NLRP1: variants seen among roughly 807,000 people sequenced by gnomAD.
NLRP1 encodes NACHT, LRR and PYD domains-containing protein 1.
In NLRP1, 94 loss-of-function variants were observed where a neutral mutation model predicts 136.7. The observed-to-expected ratio is 0.69, with a 90% CI of 0.58 to 0.82. The LOEUF (loss-of-function observed/expected upper bound fraction) is 0.82. NLRP1 is among the 40% of genes least tolerant of loss of function. NLRP1 has a pLI of 0.00. For synonymous variants in NLRP1, 690 were observed against 725.1 expected, an observed-to-expected ratio of 0.95 and a Z score of 0.78; for missense variants, 1,575 against 1,802.7, an observed-to-expected ratio of 0.87 and a Z score of 2.29.
At position 5,517,853 on chromosome 17, in the gene NLRP1, T is replaced by C; in HGVS notation, c.3950A>G (p.Asp1317Gly). 4 of 1,614,162 alleles carry C rather than the reference T, an allele frequency of 2.5e-6. No homozygotes were observed. In the South Asian group the frequency reaches 3.3e-5, roughly 13 times the overall value. ...AACGTAGAACTCCGAGAACAGCTGGTCTTCTCCAGGGCTTCGATAGCAGAG... is the reference window on the plus strand; with the variant it reads ...AACGTAGAACTCCGAGAACAGCTGGCCTTCTCCAGGGCTTCGATAGCAGAG... The part of the protein sequence containing the change: ...LELCYRSPGE[D>G]QLFSEFYVGH... Residue 1317 changes from aspartate to glycine, a missense_variant, in exon 15 of 17, where the codon GAC becomes GGC. Coordinates refer to ENST00000572272, the MANE Select transcript of NLRP1 (RefSeq NM_033004.4).
intron 8 of NLRP1, 45 bp from the exon 9 acceptor site, chr17:5,534,033 G>A (rs771285746): frequency 1.8e-5 from 24 of 1,343,066 alleles, no homozygotes; most frequent in Admixed American, 8.4e-5. Flanking sequence ...TGGAGGAAGC[G>A]AGGGCTGTCC....
chr17:5,581,977 T>C lies in NLRP1; in HGVS notation c.534A>G (p.Thr178=). The C allele has an allele frequency of 1.2e-6, 2 of 1,613,524 alleles. No homozygotes were observed. Among genetic ancestry groups the C allele is most frequent in the African/African-American group, 1.3e-5 (1 of 74,986 alleles). The change falls in exon 3 of 17, where the codon ACA becomes ACG. Residue 178 remains threonine (T), a synonymous_variant. Transcript: ENST00000572272. ...SPSQESPNAP[T]STAVLGSWGS... is the part of the protein sequence containing the mutation. ...CCCAGCTCCCCAGCACTGCTGTGGATGTGGGGGCGTTGGGTGACTCCTGGC... is the reference window on the plus strand; with the variant it reads ...CCCAGCTCCCCAGCACTGCTGTGGACGTGGGGGCGTTGGGTGACTCCTGGC...
rs1914333195 is a variant in NLRP1, at chr17:5,558,341, G to A, written c.2355C>T (p.Val785=). 1.9e-6 allele frequency: 3 copies of A among 1,599,122 alleles called. No individual in the cohort carries two copies. The highest frequency in any genetic ancestry group is 2.7e-5 in the African/African-American group (2 of 74,494). ...HRSTWSPTMV[V]LFRWVPVTDA... ...ACATGGGTGGTTTGGGTACTCACAGGACTACCATGGTGGGGCTCCATGTTG... is the reference window on the plus strand; with the variant it reads ...ACATGGGTGGTTTGGGTACTCACAGAACTACCATGGTGGGGCTCCATGTTG... The change falls in exon 4 of 17, where the codon GTC becomes GTT. Residue 785 remains valine, a splice_region_variant and synonymous_variant. Transcript: ENST00000572272.
chr17:5,514,418 TCCATGTC>T lies in NLRP1; in HGVS notation c.*329_*335del. The T allele has an allele frequency of 8.7e-7, 1 of 1,152,730 alleles. No individual in the cohort carries two copies. The highest frequency in any genetic ancestry group is 1.1e-6 in the Non-Finnish European group (1 of 928,980). The allele number at this position is 1,152,730 out of a possible 1,614,324, so 71.4% of individuals were successfully genotyped here. A position where few individuals can be genotyped will look rare whatever the true frequency, so the allele number is the denominator to read the frequency against. On this transcript the variant is annotated 3_prime_UTR_variant, in exon 17 of 17. Coordinates refer to ENST00000572272, the MANE Select transcript of NLRP1 (RefSeq NM_033004.4). Reference sequence around the variant, plus strand: ...TGTGACACAGCCAGAGGCAAATGGTTCCATGTCCCTCCTATTCCTCTTTGCGCCTGGA... The same window carrying T: ...TGTGACACAGCCAGAGGCAAATGGTTCCTCCTATTCCTCTTTGCGCCTGGA...
chr17:5,516,852 C>A (rs1908182714), intron 15 of NLRP1, among the ~76,000 whole-genome samples: 1 of 152,182 alleles, frequency 6.6e-6, no homozygotes, highest in Non-Finnish European at 1.5e-5. Context: ...CAGCTTGTTG[C>A]AGCTCAGAGG....
chr17:5,516,257 A>C (rs1908098234), intron 15 of NLRP1, among the ~76,000 whole-genome samples: 1 of 152,144 alleles, frequency 6.6e-6, no homozygotes, highest in Non-Finnish European at 1.5e-5. Context: ...GAGGGTGTTT[A>C]CATGCTCTCT....
At chr17:5,510,642 C>T (rs1567626011), downstream of NLRP1, among the ~76,000 whole-genome samples, 1 of 151,770 alleles carries the variant, frequency 6.6e-6, no homozygotes, top group African/African-American at 2.4e-5. Context: ...GCTAGGATTA[C>T]AGGCATGAGC....
intron 12 of NLRP1, among the ~76,000 whole-genome samples, chr17:5,529,197 T>G (rs901481766): frequency 6.6e-6 from 1 of 152,206 alleles, no homozygotes; most frequent in African/African-American, 2.4e-5. Flanking sequence ...ATTGCAGTTT[T>G]GGGGATTCTC....
Position 5,532,843 on chromosome 17 carries a change from T to A in NLRP1, c.3275A>T (p.Asp1092Val), listed in dbSNP as rs147476143. Residue 1092 changes from aspartate to valine, a missense_variant, in exon 11 of 17, where the codon GAC becomes GTC. Coordinates refer to ENST00000572272, the MANE Select transcript of NLRP1 (RefSeq NM_033004.4). ...TCACCGGTACAAGTTCTTTTCTTTG[T>A]CAACTACCTCAGTAGCCACAGGCCC... is the stretch of plus-strand genomic sequence containing the variant. ...PTGPVATEVV[D>V]KEKNLYRVHF... is the part of the protein sequence containing the mutation. The A allele has an allele frequency of 1.1e-4, 184 of 1,605,862 alleles. No individual in the cohort carries two copies. Among genetic ancestry groups the A allele is most frequent in the Non-Finnish European group, 1.5e-4 (177 of 1,177,156 alleles).
chr17:5,573,852 G>A (rs1904701175), intron 3 of NLRP1, among the ~76,000 whole-genome samples: 1 of 152,076 alleles, frequency 6.6e-6, no homozygotes, highest in African/African-American at 2.4e-5. Flanking sequence ...CCACAAAGAT[G>A]GGGAAAAAAC....
At chr17:5,532,268 C>T (rs1910396290) in intron 11 of NLRP1, among the ~76,000 whole-genome samples, 1 of 152,058 alleles carries the variant, frequency 6.6e-6, no homozygotes, top group South Asian at 2.1e-4. Context: ...AAACCAAACC[C>T]AACCAAACCA....
At chr17:5,568,324 G>C (rs373468889) in intron 3 of NLRP1, among the ~76,000 whole-genome samples, 5 of 152,084 alleles carry the variant, frequency 3.3e-5, no homozygotes, top group African/African-American at 1.2e-4. Context: ...TCTTCTGCTG[G>C]ATCCATTCTG....
intron 12 of NLRP1, among the ~76,000 whole-genome samples, chr17:5,530,215 G>C (rs927784425): frequency 8.5e-5 from 13 of 152,162 alleles, no homozygotes; most frequent in African/African-American, 2.9e-4. Flanking sequence ...CTGGGACCTT[G>C]AGTGATACAG....
intron 14 of NLRP1, 103 bp downstream of exon 14, chr17:5,520,778 G>T: frequency 9.1e-7 from 1 of 1,097,672 alleles, no homozygotes; most frequent in Non-Finnish European, 1.2e-6. Flanking sequence ...GTTCAACCTC[G>T]ATTTATCCTG....
chr17:5,530,776 T>G (rs1910137137), intron 11 of NLRP1, 72 bp from the exon 12 acceptor site: 1 of 1,173,668 alleles, frequency 8.5e-7, no homozygotes, highest in Admixed American at 1.8e-5. Context: ...CCAGACCCCA[T>G]GCAGGGGCTT....
chr17:5,550,429 G>A (rs553417351), intron 5 of NLRP1, among the ~76,000 whole-genome samples: 7 of 151,986 alleles, frequency 4.6e-5, no homozygotes, highest in African/African-American at 4.8e-5. Context: ...TTAGGTATTC[G>A]TGTCTTTCTG....
downstream of NLRP1, chr17:5,512,633 T>A (rs1907718726): frequency 2.3e-6 from 1 of 429,508 alleles, no homozygotes; most frequent in South Asian, 2.4e-5. Flanking sequence ...CTCATGGGTG[T>A]GTGACCTGTG....
Position 5,581,851 on chromosome 17 carries a change from G to T in NLRP1, c.652+8C>A. ...CACCACCCCGCCAGGAGCTCAGTAG[G>T]GTCTCACCTGTGTAGTAAATTCCTG... On this transcript the variant is annotated splice_region_variant and intron_variant, in intron 3 of 16. Coordinates refer to ENST00000572272, the MANE Select transcript of NLRP1 (RefSeq NM_033004.4). The T allele has an allele frequency of 6.2e-7, 1 of 1,608,814 alleles. No homozygotes were observed. Among genetic ancestry groups the T allele is most frequent in the South Asian group, 1.1e-5 (1 of 90,896 alleles).
At chr17:5,552,372 T>C (rs1913483771) in intron 5 of NLRP1, among the ~76,000 whole-genome samples, 1 of 152,210 alleles carries the variant, frequency 6.6e-6, no homozygotes, top group Non-Finnish European at 1.5e-5. Flanking sequence ...TTGTATGATT[T>C]CAGTCCTTGC....
Sources: gnomAD v4.1 joint callset for allele counts (sites outside exome capture counted in the v4.1 genomes callset) on GRCh38, gnomAD v4.1.1 for gene constraint, MANE v1.5 for transcripts, NCBI Gene and HGNC (gene_info 2026-07-23, HGNC 2026-07-21) for gene names.